The following EPSTI1 variants were observed in gnomAD, a reference collection of about 807,000 sequenced individuals.
The protein encoded by EPSTI1 is epithelial-stromal interaction protein 1.
A neutral mutation model predicts 49.9 loss-of-function variants in EPSTI1; 66 were observed. The ratio of observed to expected loss-of-function variants is 1.32; its 90% confidence interval spans 1.08 to 1.62. The LOEUF (loss-of-function observed/expected upper bound fraction) is 1.62, where lower values mean the gene tolerates loss of function less well. Among genes scored for constraint, EPSTI1 ranks in the 40% most tolerant of loss-of-function variants. The pLI is 0.00. For synonymous variants in EPSTI1, 137 were observed against 130.7 expected, an observed-to-expected ratio of 1.05 and a Z score of -0.33; for missense variants, 394 against 365.5, an observed-to-expected ratio of 1.08 and a Z score of -0.64.
chr13:42,958,794 A>AC (rs2039353538), intron 5 of EPSTI1, among the ~76,000 whole-genome samples: 1 of 151,756 alleles, frequency 6.6e-6, no homozygotes, highest in Non-Finnish European at 1.5e-5. Context: ...AATGCAAAGA[A>AC]AAAAAATGCT....
chr13:42,904,411 A>G (rs2037441638), intron 8 of EPSTI1, among the ~76,000 whole-genome samples: 1 of 152,242 alleles, frequency 6.6e-6, no homozygotes, highest in South Asian at 2.1e-4. Context: ...TTTCTATTGT[A>G]TTGACGAAAA....
In EPSTI1 at chr13:42,964,146, A is replaced by G. The variant is rs1038179570; in HGVS notation, c.332-7T>C. The G allele has an allele frequency of 1.1e-5, 17 of 1,594,436 alleles. No homozygotes were observed. Among genetic ancestry groups the G allele is most frequent in the African/African-American group, 1.5e-5 (1 of 67,892 alleles). ...GTTTCTGACTGGCTTCCACCTTAGG[A>G]AAAAAAAATCCATGAAGGTGAAACA... is the stretch of plus-strand genomic sequence containing the variant. On this transcript the variant is annotated splice_polypyrimidine_tract_variant and splice_region_variant and intron_variant, in intron 3 of 10. Transcript: ENST00000313624.
chr13:42,976,177 C>A (rs1015559123), intron 1 of EPSTI1, among the ~76,000 whole-genome samples: 1 of 152,180 alleles, frequency 6.6e-6, no homozygotes, highest in South Asian at 2.1e-4. Context: ...GCATGAGCAC[C>A]AGCTTATTTA....
intron 10 of EPSTI1, among the ~76,000 whole-genome samples, chr13:42,890,296 CT>C (rs71202241): frequency 0.24 from 27,618 of 115,804 alleles, 2,575 homozygotes; most frequent in Middle Eastern, 0.34. Context: ...TTTTTCTTTT[CT>C]TTTTTTTTTT....
At chr13:42,919,927 G>A (rs1343555705) in intron 7 of EPSTI1, among the ~76,000 whole-genome samples, 1 of 152,166 alleles carries the variant, frequency 6.6e-6, no homozygotes, top group Non-Finnish European at 1.5e-5. Flanking sequence ...AAATCAAGGT[G>A]TCTTCAGGGT....
At chr13:42,893,416 G>C (rs186776004) in intron 10 of EPSTI1, among the ~76,000 whole-genome samples, 18 of 152,316 alleles carry the variant, frequency 1.2e-4, no homozygotes, top group Non-Finnish European at 4.4e-5. Flanking sequence ...GGGAGCCTGA[G>C]GAACTTCCCA....
chr13:42,960,081 C>T (rs1187222674), intron 5 of EPSTI1, among the ~76,000 whole-genome samples: 1 of 152,108 alleles, frequency 6.6e-6, no homozygotes, highest in East Asian at 1.9e-4. Flanking sequence ...TTTTGGTATC[C>T]ATTGTGTTGT....
At chr13:42,986,518 G>T (rs1302992278) in intron 1 of EPSTI1, among the ~76,000 whole-genome samples, 2 of 152,122 alleles carry the variant, frequency 1.3e-5, no homozygotes, top group Non-Finnish European at 2.9e-5. Flanking sequence ...GTCGAGGTGG[G>T]TGGATCACAA....
At position 42,964,081 on chromosome 13, in the gene EPSTI1, A is replaced by C; in HGVS notation, c.390T>G (p.Ser130=). ...GAATTCTGACCTTTTGCTTGTATTT[A>C]GATTGCATCAGCTGGAGTTGTTGTT... ...RQKQQLQLMQ[S]KYKQKLKREE... is the part of the protein sequence containing the mutation. Residue 130 remains serine (S), a synonymous_variant, in exon 4 of 11, where the codon TCT becomes TCG. Transcript: ENST00000313624. 1 of 1,613,516 alleles carries C rather than the reference A, an allele frequency of 6.2e-7. No homozygotes were observed. The highest frequency in any genetic ancestry group is 8.5e-7 in the Non-Finnish European group (1 of 1,179,702).
chr13:42,907,545 A>G (rs1172790930), intron 8 of EPSTI1, among the ~76,000 whole-genome samples: 1 of 152,212 alleles, frequency 6.6e-6, no homozygotes, highest in Non-Finnish European at 1.5e-5. Context: ...TGATGTTGCC[A>G]AAGTGCCTCT....
chr13:42,988,518 G>A (rs1248692815), intron 1 of EPSTI1, among the ~76,000 whole-genome samples: 1 of 152,144 alleles, frequency 6.6e-6, no homozygotes, highest in African/African-American at 2.4e-5. Flanking sequence ...AGATCACAAG[G>A]TCAGGAGTTT....
At chr13:42,899,560 T>C (rs1316727752) in intron 9 of EPSTI1, among the ~76,000 whole-genome samples, 1 of 152,138 alleles carries the variant, frequency 6.6e-6, no homozygotes, top group Non-Finnish European at 1.5e-5. Flanking sequence ...TACAGTTTAG[T>C]GACAGTGGGA....
intron 6 of EPSTI1, among the ~76,000 whole-genome samples, chr13:42,928,279 T>C (rs1184728537): frequency 6.6e-6 from 1 of 152,232 alleles, no homozygotes; most frequent in East Asian, 1.9e-4. Flanking sequence ...GTCCCTGGTA[T>C]ATAAAATTTC....
chr13:42,948,578 G>A (rs1035951143), intron 6 of EPSTI1, among the ~76,000 whole-genome samples: 1 of 151,848 alleles, frequency 6.6e-6, no homozygotes, highest in South Asian at 2.1e-4. Context: ...CTGGGCTTAA[G>A]AGATCCTCCC....
chr13:42,942,991 A>G (rs9567072), intron 6 of EPSTI1, among the ~76,000 whole-genome samples: 64,091 of 152,160 alleles, frequency 0.42, 14,345 homozygotes, highest in Non-Finnish European at 0.51. Context: ...CCCAGCCCTG[A>G]TTCTTATTTA....
chr13:42,959,616 C>T (rs1394007533), intron 5 of EPSTI1, among the ~76,000 whole-genome samples: 1 of 152,168 alleles, frequency 6.6e-6, no homozygotes, highest in African/African-American at 2.4e-5. Flanking sequence ...CACCGTATAG[C>T]ATTAAAACTA....
chr13:42,928,384 G>A (rs2038251707), intron 6 of EPSTI1, among the ~76,000 whole-genome samples: 3 of 152,096 alleles, frequency 2.0e-5, no homozygotes, highest in Non-Finnish European at 4.4e-5. Flanking sequence ...GGCAAACGAA[G>A]GAAAACATCC....
chr13:42,974,583 A>C (rs9533325), intron 1 of EPSTI1, among the ~76,000 whole-genome samples: 44,047 of 150,918 alleles, frequency 0.29, 6,416 homozygotes, highest in South Asian at 0.43. Flanking sequence ...GGCGTGAACC[A>C]GGGAGGCGGA....
intron 1 of EPSTI1, among the ~76,000 whole-genome samples, chr13:42,971,302 T>C (rs933201867): frequency 9.9e-5 from 15 of 152,188 alleles, no homozygotes; most frequent in Admixed American, 8.5e-4. Context: ...TAAAATATTG[T>C]GAGCTTTTGA....
Sources: gnomAD v4.1 joint callset for allele counts (sites outside exome capture counted in the v4.1 genomes callset) on GRCh38, gnomAD v4.1.1 for gene constraint, MANE v1.5 for transcripts, NCBI Gene and HGNC (gene_info 2026-07-23, HGNC 2026-07-21) for gene names.